The following SMARCA2 variants were observed in gnomAD, a reference collection of about 807,000 sequenced individuals.
SMARCA2 encodes SWI/SNF-related matrix-associated actin-dependent regulator of chromatin subfamily A member 2.
Under a neutral mutation model 199.8 loss-of-function variants are expected in SMARCA2, and 61 were observed. That is an observed-to-expected ratio of 0.31 (90% CI 0.25 to 0.38). The LOEUF is 0.38. Among genes scored for constraint, SMARCA2 ranks in the 10% least tolerant of loss-of-function variants. SMARCA2 has a pLI of 1.00. For missense variants in SMARCA2, 1,344 were observed against 2,012.2 expected (o/e 0.67, Z 6.35); for synonymous variants, 935 against 732.0 (o/e 1.28, Z -4.48).
intron 1 of SMARCA2, among the ~76,000 whole-genome samples, chr9:2,023,856 G>C (rs1818709041): frequency 6.6e-6 from 1 of 152,198 alleles, no homozygotes; most frequent in Non-Finnish European, 1.5e-5. Context: ...CTTCAGGTCA[G>C]GGGAGATGTT....
In SMARCA2 at chr9:2,191,319, G is replaced by T; in HGVS notation, c.4648G>T (p.Asp1550Tyr). 1 of 1,614,214 alleles carries T rather than the reference G, an allele frequency of 6.2e-7. No homozygotes were observed. Among genetic ancestry groups the T allele is most frequent in the Non-Finnish European group, 8.5e-7 (1 of 1,180,038 alleles). ...KLNKKDDKGR[D>Y]KGKGKKRPNR... The stretch of plus-strand genomic sequence containing the variant: ...CAATAAAAAAGATGACAAAGGCCGG[G>T]ACAAAGGGAAAGGCAAGAAAAGGCC... Residue 1550 changes from aspartate to tyrosine, a missense_variant, in exon 33 of 34, where the codon GAC becomes TAC. Physicochemically the swap from Asp to Tyr is radical, Grantham distance 160 (BLOSUM62 -3). Transcript: ENST00000349721.
At chr9:2,083,261 G>T (rs1468501832) in intron 15 of SMARCA2, 86 bp from the exon 16 acceptor site, 59 of 806,402 alleles carry the variant, frequency 7.3e-5, no homozygotes, top group Non-Finnish European at 4.0e-6. Context: ...TCAAGGTGAG[G>T]CCTGAACATG....
chr9:2,115,697 G>A lies in SMARCA2; in HGVS notation c.3457-125G>A. 1.4e-6 allele frequency: 1 copy of A among 724,904 alleles called. No individual in the cohort carries two copies. The highest frequency in any genetic ancestry group is 2.3e-6 in the Non-Finnish European group (1 of 438,526). The allele number at this position is 724,904 out of a possible 1,614,324, so 44.9% of individuals were successfully genotyped here. ...TAGCTTGTGTGTTTTTAAAATGTAG[G>A]CAAAATCTTACCTTAGTGAAGGTGA... On this transcript the variant is annotated intron_variant, in intron 24 of 33. Coordinates refer to ENST00000349721, the MANE Select transcript of SMARCA2 (RefSeq NM_003070.5). This position sits in a 1 kb window ranked among gnomAD's most constrained non-coding sequence, Gnocchi z 6.0.
At chr9:2,143,101 C>T (rs1824545737) in intron 27 of SMARCA2, among the ~76,000 whole-genome samples, 1 of 152,020 alleles carries the variant, frequency 6.6e-6, no homozygotes, top group Non-Finnish European at 1.5e-5. Context: ...TGTGCTAGTA[C>T]AGGGGAAGGA....
At chr9:2,160,044 C>A in intron 27 of SMARCA2, 1 of 1,154,534 alleles carries the variant, frequency 8.7e-7, no homozygotes, top group Non-Finnish European at 1.2e-6. Flanking sequence ...AGAGCAATAC[C>A]ATTAACTGTT....
chr9:2,023,286 A>T (rs989225425), intron 1 of SMARCA2, among the ~76,000 whole-genome samples: 1 of 152,230 alleles, frequency 6.6e-6, no homozygotes, highest in African/African-American at 2.4e-5. Context: ...GGCAAGGACC[A>T]TTCCCAAGGC....
intron 27 of SMARCA2, chr9:2,160,608 G>A (rs995023055): frequency 1.4e-6 from 1 of 702,256 alleles, no homozygotes; most frequent in African/African-American, 1.7e-5. Context: ...TTGGTGCTGT[G>A]GAGAAATGAA....
intron 19 of SMARCA2, 193 bp from the exon 20 acceptor site, chr9:2,096,464 T>G: frequency 2.1e-6 from 1 of 483,456 alleles, no homozygotes; most frequent in Non-Finnish European, 3.7e-6. Context: ...GGCCCCCCCA[T>G]CATAATGGTA....
At chr9:2,171,926 C>T (rs776216868) in intron 29 of SMARCA2, among the ~76,000 whole-genome samples, 18 of 152,118 alleles carry the variant, frequency 1.2e-4, no homozygotes, top group Non-Finnish European at 1.8e-4. Context: ...AGTGCCATGC[C>T]CAGGCTTTTT....
rs930596132 is a variant in SMARCA2 at position 2,123,147 on chromosome 9, G to A, written c.3763-572G>A. On this transcript the variant is annotated intron_variant, in intron 26 of 33. Coordinates refer to ENST00000349721, the MANE Select transcript of SMARCA2 (RefSeq NM_003070.5). This position sits in a 1 kb window ranked among gnomAD's most constrained non-coding sequence, Gnocchi z 4.1. ...GTGCCCATGAGGTATTGAAAAGTTA[G>A]TATATTCATGGCCAATGGACCAGTG... Among the ~76,000 whole-genome samples the A allele has an allele frequency of 6.6e-6, 1 of 152,190 alleles. No individual in the cohort carries two copies. Among genetic ancestry groups the A allele is most frequent in the Non-Finnish European group, 1.5e-5 (1 of 68,030 alleles).
intron 29 of SMARCA2, among the ~76,000 whole-genome samples, chr9:2,179,426 C>G (rs913494159): frequency 1.3e-5 from 2 of 152,152 alleles, no homozygotes; most frequent in African/African-American, 4.8e-5. Context: ...TCCAGTGAGC[C>G]TTTATTTTTT....
rs575125469 is a variant in SMARCA2, at chr9:2,184,546, G to T, written c.4462-1550G>T. On this transcript the variant is annotated intron_variant, in intron 31 of 33. Transcript: ENST00000349721. ...TTTGTATTTTTTTTAGTAGAGATGG[G>T]GTTTCACCATGTTGGCCGGGCTGGT... is the stretch of plus-strand genomic sequence containing the variant. Among the ~76,000 whole-genome samples the T allele has an allele frequency of 4.0e-5, 6 of 151,644 alleles. No homozygotes were observed. In the East Asian group the frequency reaches 1.2e-3, roughly 29 times the overall value.
At chr9:2,130,678 C>T (rs1168818250) in intron 27 of SMARCA2, among the ~76,000 whole-genome samples, 1 of 152,122 alleles carries the variant, frequency 6.6e-6, no homozygotes, top group Non-Finnish European at 1.5e-5. Flanking sequence ...TATATATTTG[C>T]ATGCGCAATT....
At chr9:2,185,227 T>G (rs184559300) in intron 31 of SMARCA2, among the ~76,000 whole-genome samples, 227 of 152,334 alleles carry the variant, frequency 1.5e-3, no homozygotes, top group African/African-American at 5.3e-3. Context: ...ACTTTCTGTT[T>G]CTATGAATTT....
At chr9:2,152,417 G>T (rs1825124361) in intron 27 of SMARCA2, among the ~76,000 whole-genome samples, 1 of 152,116 alleles carries the variant, frequency 6.6e-6, no homozygotes, top group African/African-American at 2.4e-5. Context: ...GCCAGGTGTG[G>T]TGGCTCATGG....
At chr9:2,034,090 C>G (rs983269727) in intron 3 of SMARCA2, among the ~76,000 whole-genome samples, 5 of 151,802 alleles carry the variant, frequency 3.3e-5, no homozygotes, top group African/African-American at 1.2e-4. Context: ...AGTAAACATA[C>G]AAAAATCAGC....
chr9:2,149,477 G>A (rs1363219829), intron 27 of SMARCA2, among the ~76,000 whole-genome samples: 2 of 151,502 alleles, frequency 1.3e-5, no homozygotes, highest in South Asian at 2.1e-4. Context: ...CCACGAACAT[G>A]CCATTGCACT....
chr9:2,177,489 A>G (rs1189563255), intron 29 of SMARCA2, among the ~76,000 whole-genome samples: 2 of 152,156 alleles, frequency 1.3e-5, no homozygotes, highest in Non-Finnish European at 2.9e-5. Flanking sequence ...CTCACTAATT[A>G]TCAATTTTCG....
intron 13 of SMARCA2, among the ~76,000 whole-genome samples, chr9:2,076,878 A>G (rs1821349918): frequency 6.6e-6 from 1 of 152,102 alleles, no homozygotes; most frequent in Non-Finnish European, 1.5e-5. Context: ...CTCTACGTCA[A>G]GGGTTTGCAC....
Sources: gnomAD v4.1 joint callset for allele counts (sites outside exome capture counted in the v4.1 genomes callset) on GRCh38, gnomAD v4.1.1 for gene constraint, Gnocchi (gnomAD v3.1) non-coding constraint, MANE v1.5 for transcripts, NCBI Gene and HGNC (gene_info 2026-07-23, HGNC 2026-07-21) for gene names.